The following SYT6 variants were observed in gnomAD, a reference collection of about 807,000 sequenced individuals.
The protein encoded by SYT6 is synaptotagmin 6, also known as synaptotagmin-6.
In SYT6, 24 loss-of-function variants were observed where a neutral mutation model predicts 38.4. The ratio of observed to expected loss-of-function variants is 0.62; its 90% confidence interval spans 0.45 to 0.88. The LOEUF (loss-of-function observed/expected upper bound fraction) is 0.88. Among genes scored for constraint, SYT6 ranks in the 40% least tolerant of loss-of-function variants. The pLI is 0.00. For missense variants in SYT6, 611 were observed against 621.0 expected (o/e 0.98, Z 0.17); for synonymous variants, 265 against 241.9 (o/e 1.10, Z -0.89).
intron 3 of SYT6, among the ~76,000 whole-genome samples, chr1:114,122,506 T>TGTGTGTGC (rs60780339): frequency 6.8e-6 from 1 of 147,288 alleles, no homozygotes; most frequent in African/African-American, 2.5e-5. Flanking sequence ...TGTGTGTGTG[T>TGTGTGTGC]GCGCGCACAT....
intron 2 of SYT6, among the ~76,000 whole-genome samples, chr1:114,139,220 G>A (rs1006484879): frequency 7.9e-5 from 12 of 152,184 alleles, no homozygotes; most frequent in Non-Finnish European, 1.8e-4. Flanking sequence ...ACTGCAGACT[G>A]TAGCTATCAG....
At chr1:114,123,931 T>G (rs1393468023) in intron 3 of SYT6, among the ~76,000 whole-genome samples, 1 of 152,200 alleles carries the variant, frequency 6.6e-6, no homozygotes, top group Non-Finnish European at 1.5e-5. Context: ...TTATGGACAT[T>G]TACCTCTAAC....
At chr1:114,129,788 C>T (rs1678030220) in intron 3 of SYT6, among the ~76,000 whole-genome samples, 1 of 151,444 alleles carries the variant, frequency 6.6e-6, no homozygotes, top group Non-Finnish European at 1.5e-5. Context: ...AGCGATTGTC[C>T]CACCTCAGCC....
intron 3 of SYT6, among the ~76,000 whole-genome samples, chr1:114,111,907 C>T (rs1328243994): frequency 2.0e-5 from 3 of 152,132 alleles, no homozygotes; most frequent in South Asian, 2.1e-4. Flanking sequence ...CTGTGAACAC[C>T]GGCCTGGGTG....
Position 114,123,037 on chromosome 1 carries a change from C to G in SYT6, c.1071+14458G>C, listed in dbSNP as rs546926355. ...TCTGAGCTTGGCTGTTCCGCGTGCC[C>G]TCCTTCCTGCCTTTTTGCTTCCAGC... On this transcript the variant is annotated intron_variant, in intron 3 of 7. Coordinates refer to ENST00000610222, the MANE Select transcript of SYT6 (RefSeq NM_001253772.2). Among the ~76,000 whole-genome samples the G allele has an allele frequency of 1.1e-4, 16 of 152,366 alleles. No individual in the cohort carries two copies. In the South Asian group the frequency reaches 3.3e-3, roughly 32 times the overall value.
chr1:114,143,488 G>A (rs1470375253), intron 1 of SYT6, among the ~76,000 whole-genome samples: 1 of 146,642 alleles, frequency 6.8e-6, no homozygotes, highest in Non-Finnish European at 1.5e-5. Flanking sequence ...ACATACATAT[G>A]TATATATGTA....
rs746235237 is a variant in SYT6, at chr1:114,137,755, T to A, written c.811A>T (p.Ile271Phe). The A allele has an allele frequency of 1.9e-6, 3 of 1,614,020 alleles. No homozygotes were observed. Among genetic ancestry groups the A allele is most frequent in the Non-Finnish European group, 8.5e-7 (1 of 1,180,010 alleles). ...CATTTGCGGTCAGGCAGGAGGTAGA[T>A]CTTGACATAAGGGTCAGAGCTTCCA... ...FCGSSDPYVK[I>F]YLLPDRKCKL... is the part of the protein sequence containing the mutation. The change falls in exon 3 of 8, where the codon ATC (isoleucine) becomes TTC (phenylalanine). Residue 271 changes from isoleucine (I) to phenylalanine (F), a missense_variant. Ile to Phe is a conservative substitution (Grantham distance 21). Coordinates refer to ENST00000610222, the MANE Select transcript of SYT6 (RefSeq NM_001253772.2).
rs773175899 is a variant in SYT6, at chr1:114,137,943, T to C, written c.623A>G (p.Lys208Arg). 7 of 1,614,034 alleles carry C rather than the reference T, an allele frequency of 4.3e-6. No individual in the cohort carries two copies. The highest frequency in any genetic ancestry group is 5.1e-6 in the Non-Finnish European group (6 of 1,180,010). ...CGACTTCTGCTTGTAGAGCTCAGGCTTGATGCGGCCAATGCTGGTGGGCTG... is the reference window on the plus strand; with the variant it reads ...CGACTTCTGCTTGTAGAGCTCAGGCCTGATGCGGCCAATGCTGGTGGGCTG... The part of the protein sequence containing the change: ...AEQPTSIGRI[K>R]PELYKQKSVD... The change falls in exon 3 of 8, where the codon AAG becomes AGG. Residue 208 changes from lysine (K) to arginine (R), a missense_variant. Lys to Arg is a conservative substitution (Grantham distance 26, BLOSUM62 2). Transcript: ENST00000610222.
In SYT6 at chr1:114,099,144, C is replaced by T. The variant is rs780597166; in HGVS notation, c.1314G>A (p.Pro438=). The T allele has an allele frequency of 1.4e-5, 23 of 1,613,798 alleles. No individual in the cohort carries two copies. Among genetic ancestry groups the T allele is most frequent in the Admixed American group, 5.0e-5 (3 of 59,998 alleles). Residue 438 remains proline (P), a synonymous_variant, in exon 5 of 8, where the codon CCG becomes CCA. Coordinates refer to ENST00000610222, the MANE Select transcript of SYT6 (RefSeq NM_001253772.2). The part of the protein sequence containing the change: ...YNEAIIFDIP[P]ENMDQVSLLI... ...GCAGGCTGACTTGATCCATGTTTTC[C>T]GGGGGAATGTCAAAGATGATGGCCT...
intron 6 of SYT6, 42 bp downstream of exon 6, chr1:114,097,685 G>C (rs778449184): frequency 5.6e-6 from 9 of 1,605,926 alleles, no homozygotes; most frequent in South Asian, 4.5e-5. Context: ...AGCCCACACT[G>C]CCATGCAGCA....
chr1:114,115,748 C>G (rs1029482291), intron 3 of SYT6, among the ~76,000 whole-genome samples: 16 of 152,160 alleles, frequency 1.1e-4, no homozygotes, highest in African/African-American at 3.4e-4. Context: ...TACTCATACT[C>G]TATGCCTGGG....
At chr1:114,093,707 C>G in intron 7 of SYT6, 28 bp downstream of exon 7, 6 of 1,604,338 alleles carry the variant, frequency 3.7e-6, no homozygotes, top group Non-Finnish European at 4.3e-6. Flanking sequence ...AGCAACCTAA[C>G]GTCTTTGGGT....
chr1:114,133,459 AAAT>A (rs959381056), intron 3 of SYT6, among the ~76,000 whole-genome samples: 3 of 152,186 alleles, frequency 2.0e-5, no homozygotes, highest in Admixed American at 1.3e-4. Context: ...CTTTATTTAG[AAAT>A]AATGAGACTG....
At chr1:114,136,350 A>G (rs777891347) in intron 3 of SYT6, among the ~76,000 whole-genome samples, 4 of 152,146 alleles carry the variant, frequency 2.6e-5, no homozygotes, top group Non-Finnish European at 5.9e-5. Flanking sequence ...GATATAGTGG[A>G]GGAAATATCC....
intron 3 of SYT6, among the ~76,000 whole-genome samples, chr1:114,135,961 G>A (rs1486753267): frequency 6.6e-6 from 1 of 152,162 alleles, no homozygotes; most frequent in African/African-American, 2.4e-5. Context: ...GAGCGCTCGG[G>A]CCTGGGGCTG....
At chr1:114,094,166 C>T (rs970419347) in intron 6 of SYT6, among the ~76,000 whole-genome samples, 2 of 152,126 alleles carry the variant, frequency 1.3e-5, no homozygotes, top group African/African-American at 4.8e-5. Flanking sequence ...AACACTGGCT[C>T]CCCTGCTAGT....
chr1:114,092,767 G>A (rs1263375716), intron 7 of SYT6, among the ~76,000 whole-genome samples: 1 of 152,170 alleles, frequency 6.6e-6, no homozygotes, highest in Non-Finnish European at 1.5e-5. Context: ...TGAAGGACAG[G>A]GCTGAGGCTG....
In SYT6 at chr1:114,123,390, G is replaced by A. The variant is rs575926675; in HGVS notation, c.1071+14105C>T. On this transcript the variant is annotated intron_variant, in intron 3 of 7. Transcript: ENST00000610222. ...CTCGAGGAGGGATGGACTCACCCTG[G>A]GAAAGAGCCCCAGGCCAGTGCTGTT... Among the ~76,000 whole-genome samples, 3 of 152,298 alleles carry A rather than the reference G, an allele frequency of 2.0e-5. No homozygotes were observed. The South Asian group carries it at 6.2e-4, about 32-fold the overall frequency.
At chr1:114,146,708 C>T (rs1397751104) in intron 1 of SYT6, among the ~76,000 whole-genome samples, 3 of 152,216 alleles carry the variant, frequency 2.0e-5, no homozygotes, top group African/African-American at 7.2e-5. Context: ...TCTTCCCTGT[C>T]TTCTTCTTTA....
Sources: gnomAD v4.1 joint callset for allele counts (sites outside exome capture counted in the v4.1 genomes callset) on GRCh38, gnomAD v4.1.1 for gene constraint, MANE v1.5 for transcripts, NCBI Gene and HGNC (gene_info 2026-07-23, HGNC 2026-07-21) for gene names.